The following EXD3 variants were observed in gnomAD, a reference collection of about 807,000 sequenced individuals.
The protein encoded by EXD3 is exonuclease mut-7 homolog.
In EXD3, 92 loss-of-function variants were observed where a neutral mutation model predicts 98.0. The observed-to-expected ratio is 0.94, with a 90% CI of 0.79 to 1.12. EXD3 has a LOEUF of 1.12. Among genes scored for constraint, EXD3 ranks in the 50% most tolerant of loss-of-function variants. The pLI is 0.00. For missense variants in EXD3, 1,222 were observed against 1,191.6 expected (o/e 1.03, Z -0.38); for synonymous variants, 569 against 526.0 (o/e 1.08, Z -1.12).
chr9:137,367,156 A>G (rs1835301281), intron 6 of EXD3, among the ~76,000 whole-genome samples: 1 of 151,324 alleles, frequency 6.6e-6, no homozygotes, highest in Admixed American at 6.6e-5. Context: ...CCCTTCCCCC[A>G]CCTCCTCTGC....
In EXD3 at chr9:137,357,490, A is replaced by C. The variant is rs550673385; in HGVS notation, c.657-1122T>G. Among the ~76,000 whole-genome samples the C allele has an allele frequency of 3.4e-4, 52 of 151,358 alleles. No individual in the cohort carries two copies. The East Asian group carries it at 4.3e-3, about 12-fold the overall frequency. ...GAAGACAACTTCAAATTATTTCCAA[A>C]CCTCCCACTGAGCTTTCATTTCCCA... On this transcript the variant is annotated intron_variant, in intron 7 of 21. Transcript: ENST00000340951.
chr9:137,415,339 G>T (rs951154258), intron 1 of EXD3, among the ~76,000 whole-genome samples: 2 of 152,114 alleles, frequency 1.3e-5, no homozygotes, highest in African/African-American at 4.8e-5. Context: ...GAGTGGCTGG[G>T]ATTACAGGCA....
At chr9:137,357,583 A>G (rs1248958167) in intron 7 of EXD3, among the ~76,000 whole-genome samples, 2 of 151,496 alleles carry the variant, frequency 1.3e-5, no homozygotes, top group Non-Finnish European at 2.9e-5. Context: ...CCCCATCTCC[A>G]CTTCACAGAC....
intron 1 of EXD3, among the ~76,000 whole-genome samples, chr9:137,399,281 G>A (rs576974877): frequency 6.6e-6 from 1 of 152,326 alleles, no homozygotes; most frequent in Admixed American, 6.5e-5. Flanking sequence ...CCAGCAGGAC[G>A]GACATGGTGT....
At chr9:137,315,761 C>T (rs1239289367) in intron 19 of EXD3, among the ~76,000 whole-genome samples, 6 of 152,002 alleles carry the variant, frequency 3.9e-5, no homozygotes, top group African/African-American at 1.2e-4. Context: ...CTGCCCTGGG[C>T]GGGCAGGAGG....
intron 17 of EXD3, among the ~76,000 whole-genome samples, chr9:137,332,665 A>C (rs1459694182): frequency 6.6e-6 from 1 of 151,270 alleles, no homozygotes. Flanking sequence ...AAAACAGTGA[A>C]ACCCCGTCTC....
chr9:137,390,689 G>A lies in EXD3; in HGVS notation c.55+4614C>T, dbSNP rs564617308. Among the ~76,000 whole-genome samples, 4 of 152,306 alleles carry A rather than the reference G, an allele frequency of 2.6e-5. No homozygotes were observed. The South Asian group carries it at 6.2e-4, about 24-fold the overall frequency. ...TTTTCACGGTTTTATGAGGCCAGCT[G>A]TGACTTCCCTCCGGTCTCCCTCATG... On this transcript the variant is annotated intron_variant, in intron 2 of 21. Coordinates refer to ENST00000340951, the MANE Select transcript of EXD3 (RefSeq NM_017820.5).
chr9:137,344,224 A>C (rs1833809610), intron 17 of EXD3, among the ~76,000 whole-genome samples: 1 of 152,072 alleles, frequency 6.6e-6, no homozygotes, highest in African/African-American at 2.4e-5. Flanking sequence ...CTAGGCCCTT[A>C]GTGTCTCTAA....
chr9:137,351,532 C>T lies in EXD3; in HGVS notation c.1174-4G>A, dbSNP rs778273275. On this transcript the variant is annotated splice_polypyrimidine_tract_variant and splice_region_variant and intron_variant, in intron 12 of 21. Transcript: ENST00000340951. ...CTACACCAACCACTTGGTGGCACTG[C>T]GGGCAGAGAGGGGCAGATGTGATCA... 115 of 1,578,604 alleles carry T rather than the reference C, an allele frequency of 7.3e-5. 1 individual carries two copies. The highest frequency in any genetic ancestry group is 3.3e-4 in the Middle Eastern group (2 of 6,054).
chr9:137,356,910 G>A (rs1361538389), intron 7 of EXD3, among the ~76,000 whole-genome samples: 2 of 152,108 alleles, frequency 1.3e-5, no homozygotes, highest in African/African-American at 2.4e-5. Context: ...CACACCCTCC[G>A]ACCTCCAGGT....
chr9:137,328,050 C>T (rs368041022), intron 17 of EXD3, among the ~76,000 whole-genome samples: 1 of 152,050 alleles, frequency 6.6e-6, no homozygotes, highest in Non-Finnish European at 1.5e-5. Flanking sequence ...GAATAAACAC[C>T]CACATGATGA....
chr9:137,316,114 C>A (rs1164203821), intron 19 of EXD3, among the ~76,000 whole-genome samples: 2 of 150,542 alleles, frequency 1.3e-5, no homozygotes, highest in African/African-American at 4.9e-5. Context: ...CGGGGCGCGG[C>A]GCGCTGGCTT....
chr9:137,358,777 C>T (rs1432009432), intron 7 of EXD3, among the ~76,000 whole-genome samples: 2 of 152,072 alleles, frequency 1.3e-5, no homozygotes, highest in African/African-American at 2.4e-5. Context: ...CAGCCTCAAC[C>T]TCCTGGCCTC....
At chr9:137,334,829 G>A (rs1833270171) in intron 17 of EXD3, among the ~76,000 whole-genome samples, 2 of 152,220 alleles carry the variant, frequency 1.3e-5, no homozygotes, top group Non-Finnish European at 2.9e-5. Context: ...TGTAATGCCA[G>A]CACTTTGGGA....
chr9:137,307,303 C>T (rs531381401), intron 21 of EXD3, 40 bp from the exon 22 acceptor site: 64 of 1,450,294 alleles, frequency 4.4e-5, no homozygotes, highest in South Asian at 1.0e-4. Context: ...CCTCAGCCTT[C>T]GGGCACGGCC....
chr9:137,328,075 C>CACCCATATGATGAGTAAAAACAACTAAT lies in EXD3; in HGVS notation c.1999-3933_1999-3932insATTAGTTGTTTTTACTCATCATATGGGT, dbSNP rs1832567151. Among the ~76,000 whole-genome samples, 5 of 24,222 alleles carry CACCCATATGATGAGTAAAAACAACTAAT rather than the reference C, an allele frequency of 2.1e-4. No homozygotes were observed. In the East Asian group the frequency reaches 2.7e-3, roughly 13 times the overall value. 15.9% of individuals were successfully genotyped at this position (24,222 alleles called of 152,430 possible). A position where few individuals can be genotyped will look rare whatever the true frequency, so the allele number is the denominator to read the frequency against. ...CCACATGATGAGTAAAAACAACTAACATACTCCCATATGATGAGTAAAAAC... is the reference window on the plus strand; with the variant it reads ...CCACATGATGAGTAAAAACAACTAACACCCATATGATGAGTAAAAACAACTAATATACTCCCATATGATGAGTAAAAAC... On this transcript the variant is annotated intron_variant, in intron 17 of 21. Coordinates refer to ENST00000340951, the MANE Select transcript of EXD3 (RefSeq NM_017820.5).
At chr9:137,317,405 G>A (rs1421256868) in intron 19 of EXD3, among the ~76,000 whole-genome samples, 1 of 152,122 alleles carries the variant, frequency 6.6e-6, no homozygotes, top group Non-Finnish European at 1.5e-5. Flanking sequence ...CCAGGCCCCG[G>A]GGCCACCTGA....
At chr9:137,372,477 A>C (rs9775457) in intron 5 of EXD3, among the ~76,000 whole-genome samples, 56,492 of 152,140 alleles carry the variant, frequency 0.37, 12,008 homozygotes, top group East Asian at 0.61. Context: ...GTCAGTGCCC[A>C]GTGCCCAGGA....
chr9:137,312,166 C>T (rs1049197856), intron 19 of EXD3, among the ~76,000 whole-genome samples: 1 of 152,156 alleles, frequency 6.6e-6, no homozygotes, highest in Non-Finnish European at 1.5e-5. Flanking sequence ...GACGGGGACC[C>T]TGAGCAGAGG....
Sources: allele counts gnomAD v4.1 joint callset (sites outside exome capture counted in the v4.1 genomes callset), GRCh38; gene constraint gnomAD v4.1.1; transcripts MANE v1.5; gene names NCBI Gene and HGNC (gene_info 2026-07-23, HGNC 2026-07-21).